KCNJ6: variants seen among roughly 807,000 people sequenced by gnomAD.
KCNJ6 encodes potassium inwardly rectifying channel subfamily J member 6.
KCNJ6 carries 9 observed loss-of-function variants against 34.2 expected under a neutral mutation model. The observed-to-expected ratio is 0.26, with a 90% CI of 0.16 to 0.46. The LOEUF (loss-of-function observed/expected upper bound fraction) is 0.46. KCNJ6 is among the 20% of genes least tolerant of loss of function. The pLI, the probability that KCNJ6 is intolerant of heterozygous loss-of-function variation, is 1.00. For synonymous variants in KCNJ6, 196 were observed against 207.1 expected, an observed-to-expected ratio of 0.95 and a Z score of 0.46; for missense variants, 236 against 531.3, an observed-to-expected ratio of 0.44 and a Z score of 5.46.
intron 3 of KCNJ6, among the ~76,000 whole-genome samples, chr21:37,664,461 T>A (rs2850124): frequency 0.55 from 83,531 of 151,532 alleles, 23,449 homozygotes; most frequent in East Asian, 0.83. Flanking sequence ...AGTAAAAAAA[T>A]ATATAATTTA....
In KCNJ6 at chr21:37,788,960, G is replaced by A. The variant is rs886261381; in HGVS notation, c.25+51698C>T. Reference sequence around the variant, plus strand: ...AGCCCCCTTTAGGAAAAAAATGACCGGTATTGTAGAGTCATCATCGAAAAG... The same window carrying A: ...AGCCCCCTTTAGGAAAAAAATGACCAGTATTGTAGAGTCATCATCGAAAAG... On this transcript the variant is annotated intron_variant, in intron 2 of 3. Coordinates refer to ENST00000609713, the MANE Select transcript of KCNJ6 (RefSeq NM_002240.5). 5.9e-5 allele frequency among the ~76,000 whole-genome samples: 9 copies of A among 152,130 alleles called. No homozygotes were observed. The South Asian group carries it at 1.7e-3, about 28-fold the overall frequency.
intron 3 of KCNJ6, among the ~76,000 whole-genome samples, chr21:37,645,421 G>T (rs865870770): frequency 6.6e-6 from 1 of 152,022 alleles, no homozygotes; most frequent in Non-Finnish European, 1.5e-5. Context: ...TCCTTACAGA[G>T]TGACTCACAA....
At chr21:37,827,850 T>C (rs1277001405) in intron 2 of KCNJ6, among the ~76,000 whole-genome samples, 1 of 152,202 alleles carries the variant, frequency 6.6e-6, no homozygotes, top group African/African-American at 2.4e-5. Context: ...TGTATAAATA[T>C]ACATATTAGC....
At chr21:37,655,207 GT>G (rs1569438788) in intron 3 of KCNJ6, among the ~76,000 whole-genome samples, 7 of 78,048 alleles carry the variant, frequency 9.0e-5, no homozygotes, top group African/African-American at 2.9e-4. Flanking sequence ...GTGTGTGTGT[GT>G]GTGTGTGTGT....
intron 1 of KCNJ6, among the ~76,000 whole-genome samples, chr21:37,862,306 T>C (rs925253916): frequency 1.3e-5 from 2 of 152,194 alleles, no homozygotes; most frequent in Non-Finnish European, 2.9e-5. Flanking sequence ...ATAGTAAATA[T>C]CCAATGTGCT....
At chr21:37,678,188 C>T (rs1010922691) in intron 3 of KCNJ6, among the ~76,000 whole-genome samples, 2 of 152,020 alleles carry the variant, frequency 1.3e-5, no homozygotes, top group African/African-American at 2.4e-5. Flanking sequence ...AAATGCAGGG[C>T]AGTGGGGTCA....
intron 3 of KCNJ6, among the ~76,000 whole-genome samples, chr21:37,632,916 G>A (rs1306255941): frequency 1.3e-5 from 2 of 151,982 alleles, no homozygotes; most frequent in African/African-American, 2.4e-5. Flanking sequence ...AATATTCTAG[G>A]AAGAAATCAT....
intron 2 of KCNJ6, among the ~76,000 whole-genome samples, chr21:37,753,527 C>T (rs962176148): frequency 6.7e-6 from 1 of 149,778 alleles, no homozygotes. Flanking sequence ...GAGAGCCGGA[C>T]AGCAGGCTGC....
chr21:37,814,077 G>A (rs767613116), intron 2 of KCNJ6, among the ~76,000 whole-genome samples: 4 of 152,050 alleles, frequency 2.6e-5, no homozygotes, highest in African/African-American at 4.8e-5. Flanking sequence ...CTAATAATCC[G>A]ATCAAAAAAT....
chr21:37,817,336 A>C (rs181725433), intron 2 of KCNJ6, among the ~76,000 whole-genome samples: 3 of 152,320 alleles, frequency 2.0e-5, no homozygotes, highest in Admixed American at 1.3e-4. Flanking sequence ...GCACAAGGAG[A>C]ATAACAGTAT....
At chr21:37,807,631 G>T (rs1312514058) in intron 2 of KCNJ6, among the ~76,000 whole-genome samples, 2 of 152,186 alleles carry the variant, frequency 1.3e-5, no homozygotes, top group African/African-American at 4.8e-5. Context: ...TGCTACACAG[G>T]CTTGTGGCCT....
At chr21:37,734,037 T>C (rs577152292) in intron 2 of KCNJ6, among the ~76,000 whole-genome samples, 3 of 152,350 alleles carry the variant, frequency 2.0e-5, no homozygotes, top group South Asian at 2.1e-4. Context: ...GCCAGCTTCA[T>C]TATCAGCAGG....
At chr21:37,705,218 A>G (rs1487603755) in intron 3 of KCNJ6, among the ~76,000 whole-genome samples, 1 of 152,134 alleles carries the variant, frequency 6.6e-6, no homozygotes, top group Non-Finnish European at 1.5e-5. Flanking sequence ...AACATGCCAT[A>G]GGATTTGTGT....
chr21:37,755,602 G>A (rs575516541), intron 2 of KCNJ6, among the ~76,000 whole-genome samples: 2 of 152,328 alleles, frequency 1.3e-5, no homozygotes, highest in South Asian at 2.1e-4. Flanking sequence ...AGAGGAGCCT[G>A]GATTATCCAT....
chr21:37,703,342 G>A (rs2054701594), intron 3 of KCNJ6, among the ~76,000 whole-genome samples: 1 of 151,708 alleles, frequency 6.6e-6, no homozygotes, highest in African/African-American at 2.4e-5. Flanking sequence ...GTGTGTGGCA[G>A]AAATGGGAAA....
chr21:37,728,785 T>C lies in KCNJ6; in HGVS notation c.26-13654A>G, dbSNP rs1256673698. Reference sequence around the variant, plus strand: ...TTCCATTTTATGACCTAGACACATGTGAGAGATAATTCAGAGCTGTAGTTA... The same window carrying C: ...TTCCATTTTATGACCTAGACACATGCGAGAGATAATTCAGAGCTGTAGTTA... On this transcript the variant is annotated intron_variant, in intron 2 of 3. Coordinates refer to ENST00000609713, the MANE Select transcript of KCNJ6 (RefSeq NM_002240.5). Among the ~76,000 whole-genome samples, 5 of 152,088 alleles carry C rather than the reference T, an allele frequency of 3.3e-5. No homozygotes were observed. In the East Asian group the frequency reaches 9.6e-4, roughly 29 times the overall value.
At chr21:37,828,227 G>C (rs1455302652) in intron 2 of KCNJ6, among the ~76,000 whole-genome samples, 1 of 152,206 alleles carries the variant, frequency 6.6e-6, no homozygotes, top group African/African-American at 2.4e-5. Context: ...AGGTGACATG[G>C]AATCAGGAAA....
chr21:37,657,035 G>A (rs1433573708), intron 3 of KCNJ6, among the ~76,000 whole-genome samples: 2 of 152,292 alleles, frequency 1.3e-5, no homozygotes, highest in South Asian at 2.1e-4. Context: ...TCTTGGAGAG[G>A]AGGGAGGGGA....
At chr21:37,729,561 C>T (rs996940072) in intron 2 of KCNJ6, among the ~76,000 whole-genome samples, 10 of 152,160 alleles carry the variant, frequency 6.6e-5, no homozygotes, top group African/African-American at 2.4e-4. Context: ...TGAGCTCAAG[C>T]GATTCACCCA....
Sources: gnomAD v4.1 joint callset for allele counts (sites outside exome capture counted in the v4.1 genomes callset) on GRCh38, gnomAD v4.1.1 for gene constraint, MANE v1.5 for transcripts, NCBI Gene and HGNC (gene_info 2026-07-23, HGNC 2026-07-21) for gene names.